Variants in ZZEF1 observed in about 807,000 individuals in gnomAD.
ZZEF1 encodes zinc finger ZZ-type and EF-hand domain-containing protein 1.
Under a neutral mutation model 342.8 loss-of-function variants are expected in ZZEF1, and 157 were observed. The ratio of observed to expected loss-of-function variants is 0.46; its 90% CI spans 0.40 to 0.52. ZZEF1 has a LOEUF of 0.52. Among genes scored for constraint, ZZEF1 ranks in the 20% least tolerant of loss-of-function variants. ZZEF1 has a pLI of 0.00. For synonymous variants in ZZEF1, 1,505 were observed against 1,429.1 expected (o/e 1.05, Z -1.20); for missense variants, 3,480 against 3,725.6 (o/e 0.93, Z 1.72).
At chr17:4,091,794 A>C (rs939573979) in intron 11 of ZZEF1, among the ~76,000 whole-genome samples, 1 of 149,624 alleles carries the variant, frequency 6.7e-6, no homozygotes, top group African/African-American at 2.5e-5. Flanking sequence ...TATAAAAATA[A>C]GGCCGGGCAC....
Position 4,086,610 on chromosome 17 carries a change from T to G in ZZEF1, c.2388A>C (p.Leu796=), listed in dbSNP as rs146118502. The G allele has an allele frequency of 1.2e-6, 2 of 1,613,728 alleles. No individual in the cohort carries two copies. Among genetic ancestry groups the G allele is most frequent in the Admixed American group, 3.3e-5 (2 of 59,978 alleles). ...CVSAQTLLLQ[L]LQSCFSVLQG... is the part of the protein sequence containing the mutation. The stretch of plus-strand genomic sequence containing the variant: ...GCAGCACAGAGAAGCAGCTCTGGAG[T>G]AGCTGCAGAAGCAGGGTTTGGGCAG... Residue 796 remains leucine (L), a synonymous_variant, in exon 15 of 55, where the codon CTA becomes CTC. Transcript: ENST00000381638.
intron 39 of ZZEF1, among the ~76,000 whole-genome samples, chr17:4,036,817 A>ACTCTCTCT (rs368445866): frequency 1.4e-5 from 1 of 72,618 alleles, no homozygotes; most frequent in African/African-American, 6.5e-5. Context: ...ACACACACAC[A>ACTCTCTCT]CTCTCTCTCT....
At chr17:4,112,838 A>T in intron 4 of ZZEF1, 30 bp from the exon 5 acceptor site, 1 of 1,526,200 alleles carries the variant, frequency 6.6e-7, no homozygotes, top group Non-Finnish European at 8.8e-7. Context: ...GAAATTACAA[A>T]TGTTTATAGG....
At chr17:4,107,016 TAC>T (rs2058223588) in intron 6 of ZZEF1, among the ~76,000 whole-genome samples, 1 of 152,214 alleles carries the variant, frequency 6.6e-6, no homozygotes, top group South Asian at 2.1e-4. Context: ...ACATGGCAGC[TAC>T]ACACAGATGC....
At chr17:4,126,461 C>A (rs1281661756) in intron 1 of ZZEF1, among the ~76,000 whole-genome samples, 1 of 152,072 alleles carries the variant, frequency 6.6e-6, no homozygotes, top group African/African-American at 2.4e-5. Context: ...ATACAAGATG[C>A]AACAGCTACA....
In ZZEF1 at chr17:4,018,267, A is replaced by T. The variant is rs188015091; in HGVS notation, c.7506-296T>A. Reference sequence around the variant, plus strand: ...TTATTTTCATTAAAAAAACATTTTTAAAAAAAATTTATTTGTTTTTTTTAG... The same window carrying T: ...TTATTTTCATTAAAAAAACATTTTTTAAAAAAATTTATTTGTTTTTTTTAG... On this transcript the variant is annotated intron_variant, in intron 46 of 54. Coordinates refer to ENST00000381638, the MANE Select transcript of ZZEF1 (RefSeq NM_015113.4). 1.8e-3 allele frequency among the ~76,000 whole-genome samples: 274 copies of T among 152,046 alleles called. 2 individuals carry two copies. Among genetic ancestry groups the T allele is most frequent in the African/African-American group, 6.3e-3 (260 of 41,468 alleles).
chr17:4,067,678 C>T (rs2057427195), intron 26 of ZZEF1, among the ~76,000 whole-genome samples: 1 of 152,106 alleles, frequency 6.6e-6, no homozygotes, highest in Non-Finnish European at 1.5e-5. Context: ...AACATGGAAG[C>T]CAAGTGCAGC....
chr17:4,059,623 C>A (rs2057242848), intron 30 of ZZEF1, among the ~76,000 whole-genome samples: 1 of 152,180 alleles, frequency 6.6e-6, no homozygotes, highest in Non-Finnish European at 1.5e-5. Context: ...CCTCTCCACA[C>A]AATCACGCTC....
chr17:4,085,659 G>A lies in ZZEF1; in HGVS notation c.2646+11C>T. On this transcript the variant is annotated intron_variant, in intron 16 of 54. Transcript: ENST00000381638. ...TTCAGACATTGAATCCAGACTTTTA[G>A]TAATAATTACCATCATGGTGAAGAG... The A allele has an allele frequency of 6.2e-7, 1 of 1,613,446 alleles. No individual in the cohort carries two copies. Among genetic ancestry groups the A allele is most frequent in the Non-Finnish European group, 8.5e-7 (1 of 1,179,656 alleles).
chr17:4,136,259 G>A (rs1366063479), intron 1 of ZZEF1, among the ~76,000 whole-genome samples: 3 of 149,838 alleles, frequency 2.0e-5, no homozygotes, highest in Non-Finnish European at 3.0e-5. Flanking sequence ...CAGGAGAATC[G>A]CTTAAAACTG....
In ZZEF1 at chr17:4,006,803, C is replaced by G; in HGVS notation, c.*87G>C. 2.1e-6 allele frequency: 3 copies of G among 1,413,712 alleles called. No homozygotes were observed. Among genetic ancestry groups the G allele is most frequent in the Non-Finnish European group, 2.9e-6 (3 of 1,022,270 alleles). The allele number at this position is 1,413,712 out of a possible 1,614,324, so 87.6% of individuals were successfully genotyped here. On this transcript the variant is annotated 3_prime_UTR_variant, in exon 55 of 55. Transcript: ENST00000381638. Reference sequence around the variant, plus strand: ...GCTCAAGGAGAGCTGGGCACTGGCGCTACAGGAGTTTTCCTGAATGAGGTT... The same window carrying G: ...GCTCAAGGAGAGCTGGGCACTGGCGGTACAGGAGTTTTCCTGAATGAGGTT...
chr17:4,123,851 A>C, intron 2 of ZZEF1, 56 bp downstream of exon 2: 1 of 1,566,532 alleles, frequency 6.4e-7, no homozygotes, highest in East Asian at 2.3e-5. Flanking sequence ...AATTTCAATC[A>C]GTAGTATAGC....
rs373817543 is a variant in ZZEF1, at chr17:4,033,185, GTTAC to G, written c.6585-187_6585-184del. On this transcript the variant is annotated intron_variant, in intron 40 of 54. Coordinates refer to ENST00000381638, the MANE Select transcript of ZZEF1 (RefSeq NM_015113.4). The stretch of plus-strand genomic sequence containing the variant: ...AAAAGAGCAAACAAAATCAAGACTT[GTTAC>G]TTACATACTCACCCTACGGCTGTGT... 206 of 580,976 alleles carry G rather than the reference GTTAC, an allele frequency of 3.5e-4. 2 individuals are homozygous for G. The African/African-American group carries it at 3.6e-3, about 10-fold the overall frequency. 36.0% of individuals were successfully genotyped at this position (580,976 alleles called of 1,614,324 possible).
In ZZEF1 at chr17:4,032,993, G is replaced by C; in HGVS notation, c.6594C>G (p.Gly2198=). Residue 2198 remains glycine (G), a synonymous_variant, in exon 41 of 55, where the codon GGC becomes GGG. Transcript: ENST00000381638. ...LGAVCLDSRV[G]LDWACSMAEI... ...CTGCCATGGAGCACGCCCAGTCCAA[G>C]CCCACCCGGCTGGAAGGCAAGAGCT... The C allele has an allele frequency of 1.9e-6, 3 of 1,571,490 alleles. No homozygotes were observed. The highest frequency in any genetic ancestry group is 2.6e-6 in the Non-Finnish European group (3 of 1,157,778).
In ZZEF1 at chr17:4,008,931, G is replaced by A. The variant is rs1312696925; in HGVS notation, c.8757C>T (p.Tyr2919=). 6.5e-7 allele frequency: 1 copy of A among 1,543,468 alleles called. No homozygotes were observed. Among genetic ancestry groups the A allele is most frequent in the South Asian group, 1.2e-5 (1 of 84,138 alleles). ...GGTCGTCCGTGGTTAGGGCCAGCAGGTAATCCTGCAGCACGCCAAGCTCCT... is the reference window on the plus strand; with the variant it reads ...GGTCGTCCGTGGTTAGGGCCAGCAGATAATCCTGCAGCACGCCAAGCTCCT... ...RAQELGVLQD[Y]LLALTTDDHL... is the part of the protein sequence containing the mutation. Residue 2919 remains tyrosine (Y), a synonymous_variant, in exon 54 of 55, where the codon TAC becomes TAT. Transcript: ENST00000381638. This position sits in a 1 kb window ranked among gnomAD's most constrained non-coding sequence, Gnocchi z 4.2.
At chr17:4,051,625 T>C (rs1286764662) in intron 35 of ZZEF1, among the ~76,000 whole-genome samples, 1 of 151,884 alleles carries the variant, frequency 6.6e-6, no homozygotes, top group East Asian at 1.9e-4. Flanking sequence ...TTCTCCATGT[T>C]GGGCAGGCTG....
intron 42 of ZZEF1, among the ~76,000 whole-genome samples, chr17:4,026,028 AGCAGGGAGAT>A (rs2056395795): frequency 6.6e-6 from 1 of 152,180 alleles, no homozygotes; most frequent in African/African-American, 2.4e-5. Context: ...AGAATATCAG[AGCAGGGAGAT>A]GCAGAGAGAG....
chr17:4,123,978 G>C lies in ZZEF1; in HGVS notation c.428C>G (p.Ser143Cys). 6.2e-7 allele frequency: 1 copy of C among 1,613,964 alleles called. No homozygotes were observed. The highest frequency in any genetic ancestry group is 8.5e-7 in the Non-Finnish European group (1 of 1,179,998). ...CTCCCCCTGAAGATTAGCTCCACTG[G>C]AATTCTTGAGGGCCTCCAACATGTT... ...AENMLEALKNSSGANLQGELS... is the reference protein window; with the variant it reads ...AENMLEALKNCSGANLQGELS... The change falls in exon 2 of 55, where the codon TCC (serine) becomes TGC (cysteine). Residue 143 changes from serine (S) to cysteine (C), a missense_variant. Physicochemically the swap from Ser to Cys is moderately radical, Grantham distance 112. This residue lies in a region of ZZEF1 where 416 missense variants were observed against 374.2 expected (regional missense o/e 1.11). Coordinates refer to ENST00000381638, the MANE Select transcript of ZZEF1 (RefSeq NM_015113.4).
chr17:4,130,665 C>T (rs1194463708), intron 1 of ZZEF1, among the ~76,000 whole-genome samples: 2 of 151,944 alleles, frequency 1.3e-5, no homozygotes, highest in African/African-American at 2.4e-5. Context: ...AAGGGAAATC[C>T]GGGGACCAGT....
Sources: allele counts gnomAD v4.1 joint callset (sites outside exome capture counted in the v4.1 genomes callset), GRCh38; gene constraint gnomAD v4.1.1; regional missense constraint gnomAD v4.1.1; non-coding constraint Gnocchi (gnomAD v3.1); transcripts MANE v1.5; gene names NCBI Gene and HGNC (gene_info 2026-07-23, HGNC 2026-07-21).